PPP1R12A: variants seen among roughly 807,000 people sequenced by gnomAD.
The protein encoded by PPP1R12A is myosin binding subunit.
In PPP1R12A, 19 loss-of-function variants were observed where a neutral mutation model predicts 139.6. The ratio of observed to expected loss-of-function variants is 0.14; its 90% CI spans 0.09 to 0.20. The LOEUF (loss-of-function observed/expected upper bound fraction) is 0.20, where lower values mean the gene tolerates loss of function less well. Ranked by LOEUF, PPP1R12A falls within the 10% of genes least tolerant of loss-of-function variation. The pLI is 1.00. For missense variants in PPP1R12A, 925 were observed against 1,211.5 expected (o/e 0.76, Z 3.51); for synonymous variants, 427 against 420.6 (o/e 1.02, Z -0.19).
At chr12:79,882,230 T>A (rs1883701331) in intron 1 of PPP1R12A, among the ~76,000 whole-genome samples, 1 of 152,202 alleles carries the variant, frequency 6.6e-6, no homozygotes, top group African/African-American at 2.4e-5. Context: ...CTCTGATGGA[T>A]CTGGGCAAAG....
At position 79,806,335 on chromosome 12, in the gene PPP1R12A, TAAACA is replaced by T. The variant is rs745987385; in HGVS notation, c.1656-7_1656-3del. 7.4e-6 allele frequency: 12 copies of T among 1,611,808 alleles called. No homozygotes were observed. Among genetic ancestry groups the T allele is most frequent in the Admixed American group, 6.7e-5 (4 of 59,938 alleles). Reference sequence around the variant, plus strand: ...TCTTGTCTTCTACCAAAGGAGCAACTAAACAAAAGAGTCATATCTATATAGGATGT... The same window carrying T: ...TCTTGTCTTCTACCAAAGGAGCAACTAAAGAGTCATATCTATATAGGATGT... On this transcript the variant is annotated splice_region_variant and splice_polypyrimidine_tract_variant and intron_variant, in intron 12 of 24. Transcript: ENST00000450142.
At chr12:79,795,847 C>G (rs940147362) in intron 17 of PPP1R12A, 88 bp from the exon 18 acceptor site, 23 of 1,343,712 alleles carry the variant, frequency 1.7e-5, no homozygotes, top group Non-Finnish European at 2.4e-5. Flanking sequence ...GTAAAATGGG[C>G]CAGGGGACTA....
At chr12:79,889,647 A>G (rs1884412958) in intron 1 of PPP1R12A, among the ~76,000 whole-genome samples, 1 of 152,202 alleles carries the variant, frequency 6.6e-6, no homozygotes, top group South Asian at 2.1e-4. Context: ...AACCTAATTC[A>G]GCAACTATGA....
At chr12:79,903,479 C>T (rs1267963039) in intron 1 of PPP1R12A, among the ~76,000 whole-genome samples, 1 of 151,900 alleles carries the variant, frequency 6.6e-6, no homozygotes, top group Non-Finnish European at 1.5e-5. Context: ...ATAAAATTAC[C>T]TTCAGGCTAT....
chr12:79,793,462 C>G (rs1384154452), intron 19 of PPP1R12A, among the ~76,000 whole-genome samples: 2 of 152,206 alleles, frequency 1.3e-5, no homozygotes, highest in African/African-American at 4.8e-5. Flanking sequence ...CCTACTACTT[C>G]TGGATTTCCA....
chr12:79,776,047 A>T, intron 24 of PPP1R12A, 32 bp from the exon 25 acceptor site: 1 of 1,254,978 alleles, frequency 8.0e-7, no homozygotes, highest in Non-Finnish European at 1.1e-6. Flanking sequence ...ATCAAGTTTT[A>T]CCTTCAATAT....
chr12:79,872,500 GTATTAACCCTCAATCATTTGAAAAT>G (rs1241567061), intron 2 of PPP1R12A, among the ~76,000 whole-genome samples: 8 of 152,090 alleles, frequency 5.3e-5, no homozygotes, highest in Non-Finnish European at 1.0e-4. Context: ...AGACTGCTAA[GTATTAACCCTCAATCATTTGAAAAT>G]GCTCTAGCTG....
intron 1 of PPP1R12A, among the ~76,000 whole-genome samples, chr12:79,921,451 T>C (rs1481496157): frequency 3.3e-5 from 5 of 152,160 alleles, no homozygotes; most frequent in Non-Finnish European, 7.4e-5. Flanking sequence ...CAGTAGTGAA[T>C]AGGGTCATAA....
At chr12:79,839,903 A>G (rs1333392680) in intron 3 of PPP1R12A, among the ~76,000 whole-genome samples, 4 of 152,164 alleles carry the variant, frequency 2.6e-5, no homozygotes, top group East Asian at 1.9e-4. Context: ...ACAACTAGAG[A>G]TATATTTAGG....
intron 14 of PPP1R12A, among the ~76,000 whole-genome samples, chr12:79,801,454 C>T (rs539847157): frequency 7.1e-6 from 1 of 139,954 alleles, no homozygotes; most frequent in South Asian, 2.4e-4. Context: ...TAACACTATT[C>T]ATACAATCAT....
At chr12:79,866,168 CATCT>C (rs918096462) in intron 2 of PPP1R12A, among the ~76,000 whole-genome samples, 22 of 152,274 alleles carry the variant, frequency 1.4e-4, no homozygotes, top group African/African-American at 5.3e-4. Context: ...TAACACCACA[CATCT>C]ATCAACATCT....
chr12:79,793,257 G>C (rs530266536), intron 19 of PPP1R12A, among the ~76,000 whole-genome samples: 1 of 152,232 alleles, frequency 6.6e-6, no homozygotes, highest in South Asian at 2.1e-4. Context: ...ACCCTTGCTG[G>C]CTGTGCAGCC....
chr12:79,798,482 C>A lies in PPP1R12A; in HGVS notation c.2091+12G>T. 1 of 1,484,914 alleles carries A rather than the reference C, an allele frequency of 6.7e-7. No individual in the cohort carries two copies. Among genetic ancestry groups the A allele is most frequent in the Admixed American group, 2.0e-5 (1 of 50,588 alleles). 92.0% of individuals were successfully genotyped at this position (1,484,914 alleles called of 1,614,324 possible). On this transcript the variant is annotated intron_variant, in intron 15 of 24. Coordinates refer to ENST00000450142, the MANE Select transcript of PPP1R12A (RefSeq NM_002480.3). ...TTATGTAAGTTTTATATATTAATTA[C>A]ATTAACTATACCTGTGTTGATCTTC... is the stretch of plus-strand genomic sequence containing the variant.
chr12:79,777,620 C>G, intron 24 of PPP1R12A: 1 of 985,208 alleles, frequency 1.0e-6, no homozygotes, highest in Non-Finnish European at 1.2e-6. Flanking sequence ...TTAACTCCCT[C>G]AGAGATTGAA....
chr12:79,822,264 T>C, intron 5 of PPP1R12A, 74 bp from the exon 6 acceptor site: 2 of 1,045,370 alleles, frequency 1.9e-6, no homozygotes, highest in Non-Finnish European at 2.8e-6. Flanking sequence ...TAATTCTGTA[T>C]AATTTTATAT....
intron 1 of PPP1R12A, among the ~76,000 whole-genome samples, chr12:79,902,262 G>A (rs1474683062): frequency 6.6e-6 from 1 of 152,072 alleles, no homozygotes; most frequent in African/African-American, 2.4e-5. Flanking sequence ...TAAGCCTCAA[G>A]TGTTACTAAT....
chr12:79,913,139 G>C (rs1170262507), intron 1 of PPP1R12A, among the ~76,000 whole-genome samples: 3 of 152,172 alleles, frequency 2.0e-5, no homozygotes, highest in Non-Finnish European at 2.9e-5. Context: ...ATTACCAATA[G>C]AATATTTTCT....
At chr12:79,908,579 G>C (rs78181935) in intron 1 of PPP1R12A, among the ~76,000 whole-genome samples, 1 of 152,096 alleles carries the variant, frequency 6.6e-6, no homozygotes, top group Non-Finnish European at 1.5e-5. Flanking sequence ...CAGAAGCTAG[G>C]AGAAAAGCAG....
chr12:79,793,715 T>C, intron 19 of PPP1R12A, 148 bp downstream of exon 19: 1 of 581,996 alleles, frequency 1.7e-6, no homozygotes, highest in Non-Finnish European at 2.9e-6. Flanking sequence ...TTAATCCTGA[T>C]CCCCAGGCAA....
Sources: gnomAD v4.1 joint callset for allele counts (sites outside exome capture counted in the v4.1 genomes callset) on GRCh38, gnomAD v4.1.1 for gene constraint, MANE v1.5 for transcripts, NCBI Gene and HGNC (gene_info 2026-07-23, HGNC 2026-07-21) for gene names.